MGAM: variants seen among roughly 807,000 people sequenced by gnomAD.
MGAM encodes the protein maltase-glucoamylase, also known as alpha-1,4-glucosidase.
In MGAM, 253 loss-of-function variants were observed where a neutral mutation model predicts 358.8. The ratio of observed to expected loss-of-function variants is 0.71; its 90% confidence interval spans 0.64 to 0.78. The LOEUF is 0.78. MGAM is among the 30% of genes least tolerant of loss of function. MGAM has a pLI of 0.00. For missense variants in MGAM, 3,080 were observed against 3,432.6 expected (o/e 0.90, Z 2.57); for synonymous variants, 1,105 against 1,227.1 (o/e 0.90, Z 2.08).
rs778789236 is a variant in MGAM at position 142,064,479 on chromosome 7, G to A, written c.4441G>A (p.Val1481Met). Reference sequence around the variant, plus strand: ...CGGCTCCCTGGTGCAGCACTACAACGTGCACAACCTGTATGGGTGGTCCCA... The same window carrying A: ...CGGCTCCCTGGTGCAGCACTACAACATGCACAACCTGTATGGGTGGTCCCA... ...PDGSLVQHYNVHNLYGWSQTR... is the reference protein window; with the variant it reads ...PDGSLVQHYNMHNLYGWSQTR... Residue 1481 changes from valine to methionine, a missense_variant, in exon 37 of 71, where the codon GTG becomes ATG. This residue lies in a region of MGAM where 1,816 missense variants were observed against 1,840.5 expected (regional missense o/e 0.99). Coordinates refer to ENST00000475668, the MANE Select transcript of MGAM (RefSeq NM_001365693.1). The A allele has an allele frequency of 1.0e-4, 158 of 1,585,872 alleles. 2 individuals carry two copies. The East Asian group carries it at 2.6e-3, about 26-fold the overall frequency.
intron 65 of MGAM, among the ~76,000 whole-genome samples, chr7:142,096,834 G>A (rs566039618): frequency 1.4e-3 from 214 of 152,124 alleles, no homozygotes; most frequent in Middle Eastern, 3.4e-3. Context: ...CCCTTCCTCT[G>A]CAGGAGCTCC....
chr7:142,088,731 G>C, intron 57 of MGAM, among the ~76,000 whole-genome samples: 1 of 88,958 alleles, frequency 1.1e-5, no homozygotes, highest in South Asian at 3.6e-4. Flanking sequence ...ATGTCTGTCT[G>C]TCTGTCTGTC....
chr7:142,036,932 G>A lies in MGAM; in HGVS notation c.2186G>A (p.Arg729His), dbSNP rs116034282. 1.9e-3 allele frequency: 3,029 copies of A among 1,613,522 alleles called. 66 individuals are homozygous for A. In the African/African-American group the frequency reaches 0.035, roughly 19 times the overall value. Reference protein sequence around the residue: ...LLPYLYTLFFRAHSRGDTVAR... With the variant: ...LLPYLYTLFFHAHSRGDTVAR... ...CCCTACCTATACACCCTCTTCTTCC[G>A]TGCTCACAGCCGAGGGGACACGGTG... Residue 729 changes from arginine to histidine, a missense_variant, in exon 18 of 71, where the codon CGT becomes CAT. Transcript: ENST00000475668.
chr7:142,004,095 G>A (rs1804962656), intron 1 of MGAM, among the ~76,000 whole-genome samples: 1 of 151,938 alleles, frequency 6.6e-6, no homozygotes, highest in South Asian at 2.1e-4. Context: ...TTTTAGTGAG[G>A]ATGTAAATTA....
At chr7:142,074,293 C>T in intron 45 of MGAM, 120 bp downstream of exon 45, 2 of 760,392 alleles carry the variant, frequency 2.6e-6, no homozygotes, top group Non-Finnish European at 4.2e-6. Context: ...GCAAGAGTCA[C>T]TTAAGTATTT....
chr7:142,070,705 C>T (rs1813268719), intron 43 of MGAM, among the ~76,000 whole-genome samples: 2 of 145,734 alleles, frequency 1.4e-5, no homozygotes, highest in African/African-American at 4.9e-5. Context: ...AAGGATGGTC[C>T]CTTAGGTTCT....
At chr7:141,995,669 T>G (rs1226093411), upstream of MGAM, among the ~76,000 whole-genome samples, 4 of 152,084 alleles carry the variant, frequency 2.6e-5, no homozygotes, top group East Asian at 7.7e-4. Flanking sequence ...GGGGATGGAG[T>G]GGGTCATGGG....
chr7:142,044,621 GTATATTATATACACGTGTAATATATGA>G (rs1809773279), intron 21 of MGAM, among the ~76,000 whole-genome samples: 1 of 87,738 alleles, frequency 1.1e-5, no homozygotes, highest in Non-Finnish European at 2.6e-5. Context: ...GATATATAAT[GTATATTATATACACGTGTAATATATGA>G]TATATAATGT....
Position 142,034,312 on chromosome 7 carries a change from C to G in MGAM, c.1720C>G (p.Gln574Glu). 1 of 1,599,802 alleles carries G rather than the reference C, an allele frequency of 6.3e-7. No homozygotes were observed. Among genetic ancestry groups the G allele is most frequent in the Non-Finnish European group, 8.5e-7 (1 of 1,172,974 alleles). Residue 574 changes from glutamine (Q) to glutamate (E), a missense_variant, in exon 15 of 71, where the codon CAG becomes GAG. Physicochemically the swap from Gln to Glu is conservative, Grantham distance 29. This residue lies in a region of MGAM where 1,816 missense variants were observed against 1,840.5 expected (regional missense o/e 0.99). Transcript: ENST00000475668. ...CAAGACTCTCTGTATGGATGCAGTG[C>G]AGCACTGGGGCAAGCAGTATGACAT... ...FCKTLCMDAV[Q>E]HWGKQYDIHN...
chr7:142,037,399 A>G (rs1412186919), intron 18 of MGAM, among the ~76,000 whole-genome samples: 1 of 152,202 alleles, frequency 6.6e-6, no homozygotes, highest in Non-Finnish European at 1.5e-5. Flanking sequence ...TGAGCCTATA[A>G]TACAAATACA....
chr7:142,104,403 G>A (rs1816678549), intron 70 of MGAM, among the ~76,000 whole-genome samples: 1 of 152,058 alleles, frequency 6.6e-6, no homozygotes, highest in Non-Finnish European at 1.5e-5. Context: ...TTATTATTTA[G>A]TTTATTGTAT....
chr7:142,093,837 C>T lies in MGAM; in HGVS notation c.7172+287C>T, dbSNP rs116799169. On this transcript the variant is annotated intron_variant, in intron 60 of 70. Transcript: ENST00000475668. The stretch of plus-strand genomic sequence containing the variant: ...CATCATAATGATCACAGAGGGCAGC[C>T]GGTGGTACAACAGCTTCAGTTACAG... 1.1e-3 allele frequency among the ~76,000 whole-genome samples: 163 copies of T among 145,828 alleles called. 4 individuals are homozygous for T. The highest frequency in any genetic ancestry group is 3.8e-3 in the African/African-American group (158 of 41,120).
intron 36 of MGAM, among the ~76,000 whole-genome samples, chr7:142,064,090 A>C (rs1452291139): frequency 6.6e-6 from 1 of 152,208 alleles, no homozygotes. Flanking sequence ...TCTTCATAGA[A>C]TTATGGAAAT....
rs866641326 is a variant in MGAM, at chr7:142,041,935, A to G, written c.2498+1089A>G. On this transcript the variant is annotated intron_variant, in intron 21 of 70. Coordinates refer to ENST00000475668, the MANE Select transcript of MGAM (RefSeq NM_001365693.1). Reference sequence around the variant, plus strand: ...TATATACGTATAATATATAATATATATATTATATATATACATATATATAAT... The same window carrying G: ...TATATACGTATAATATATAATATATGTATTATATATATACATATATATAAT... Among the ~76,000 whole-genome samples, 6 of 28,716 alleles carry G rather than the reference A, an allele frequency of 2.1e-4. No individual in the cohort carries two copies. The South Asian group carries it at 5.1e-3, about 25-fold the overall frequency. 18.8% of individuals were successfully genotyped at this position (28,716 alleles called of 152,430 possible). A position where few individuals can be genotyped will look rare whatever the true frequency, so the allele number is the denominator to read the frequency against.
intron 2 of MGAM, among the ~76,000 whole-genome samples, chr7:141,989,227 T>C (rs1233023392): frequency 6.6e-6 from 1 of 152,080 alleles, no homozygotes; most frequent in Admixed American, 6.6e-5. Flanking sequence ...GTTGACTGTT[T>C]ACTGTGGCTA....
chr7:142,104,505 A>G (rs1181157102), intron 70 of MGAM, among the ~76,000 whole-genome samples: 1 of 152,178 alleles, frequency 6.6e-6, no homozygotes, highest in African/African-American at 2.4e-5. Flanking sequence ...GCATTTTATA[A>G]AAATTCTTCC....
chr7:141,999,945 A>G (rs1323387552), intron 1 of MGAM, among the ~76,000 whole-genome samples: 1 of 152,164 alleles, frequency 6.6e-6, no homozygotes, highest in East Asian at 1.9e-4. Context: ...TTGTATAGCT[A>G]GAAAATAGAT....
chr7:142,010,419 T>C (rs1805513830), intron 3 of MGAM, among the ~76,000 whole-genome samples: 1 of 152,152 alleles, frequency 6.6e-6, no homozygotes, highest in African/African-American at 2.4e-5. Flanking sequence ...CTTCTAGTTC[T>C]TGAGACAGAA....
At chr7:142,000,196 G>A (rs75451325) in intron 1 of MGAM, among the ~76,000 whole-genome samples, 2,084 of 152,192 alleles carry the variant, frequency 0.014, 21 homozygotes, top group Non-Finnish European at 0.022. Flanking sequence ...TGAGTTAGCC[G>A]AGTGGTGCTG....
Sources: gnomAD v4.1 joint callset for allele counts (sites outside exome capture counted in the v4.1 genomes callset) on GRCh38, gnomAD v4.1.1 for gene constraint, gnomAD v4.1.1 regional missense constraint, MANE v1.5 for transcripts, NCBI Gene and HGNC (gene_info 2026-07-23, HGNC 2026-07-21) for gene names.